Variants in ACTN4 observed in about 807,000 individuals in gnomAD.
ACTN4 encodes the protein actinin alpha 4, also known as alpha-actinin-4.
ACTN4 carries 18 observed loss-of-function variants against 114.2 expected under a neutral mutation model. The ratio of observed to expected loss-of-function variants is 0.16; its 90% CI spans 0.11 to 0.23. The LOEUF (loss-of-function observed/expected upper bound fraction) is 0.23, where lower values mean the gene tolerates loss of function less well. Ranked by LOEUF, ACTN4 falls within the 10% of genes least tolerant of loss-of-function variation. The probability of loss-of-function intolerance (pLI) is 1.00; values close to 1 mark genes in which losing one functional copy is unlikely to be tolerated. For missense variants in ACTN4, 722 were observed against 1,262.9 expected, an observed-to-expected ratio of 0.57 and a Z score of 6.49; for synonymous variants, 515 against 506.3, an observed-to-expected ratio of 1.02 and a Z score of -0.23.
Position 38,709,400 on chromosome 19 carries a change from C to T in ACTN4, c.657C>T (p.Asp219=). ...LIEYDKLRKD[D]PVTNLNNAFE... is the part of the protein sequence containing the mutation. ...CCCCACTTGCCTCCTTCTAGGACGA[C>T]CCTGTCACCAACCTGAACAATGCCT... Residue 219 remains aspartate (D), a synonymous_variant, in exon 7 of 21, where the codon GAC becomes GAT. Transcript: ENST00000252699. 6.2e-7 allele frequency: 1 copy of T among 1,614,070 alleles called. No individual in the cohort carries two copies. The highest frequency in any genetic ancestry group is 8.5e-7 in the Non-Finnish European group (1 of 1,179,886).
At chr19:38,675,485 T>C (rs1367814482) in intron 1 of ACTN4, among the ~76,000 whole-genome samples, 1 of 152,228 alleles carries the variant, frequency 6.6e-6, no homozygotes, top group East Asian at 1.9e-4. Flanking sequence ...TCCTCCACCT[T>C]GGTCTCCCAA....
rs369065816 is a variant in ACTN4, at chr19:38,729,109, G to A, written c.2532G>A (p.Thr844=). 21 of 1,613,242 alleles carry A rather than the reference G, an allele frequency of 1.3e-5. No homozygotes were observed. Among genetic ancestry groups the A allele is most frequent in the Admixed American group, 1.7e-5 (1 of 59,996 alleles). ...FMSRETTDTD[T]ADQVIASFKV... is the part of the protein sequence containing the mutation. ...CGCGGGAGACCACCGACACGGACACGGCTGACCAGGTCATCGCTTCCTTCA... is the reference window on the plus strand; with the variant it reads ...CGCGGGAGACCACCGACACGGACACAGCTGACCAGGTCATCGCTTCCTTCA... Residue 844 remains threonine, a synonymous_variant, in exon 20 of 21, where the codon ACG becomes ACA. Coordinates refer to ENST00000252699, the MANE Select transcript of ACTN4 (RefSeq NM_004924.6).
At chr19:38,649,339 A>G (rs1038527574) in intron 1 of ACTN4, among the ~76,000 whole-genome samples, 1 of 107,126 alleles carries the variant, frequency 9.3e-6, no homozygotes, top group Non-Finnish European at 1.8e-5. Context: ...AGCTAAAGAA[A>G]GGAGCGTGGT....
chr19:38,719,638 C>T (rs1238659528), intron 11 of ACTN4, among the ~76,000 whole-genome samples: 1 of 152,264 alleles, frequency 6.6e-6, no homozygotes, highest in Non-Finnish European at 1.5e-5. Context: ...GGTTGGTGGC[C>T]TCCATCCATT....
intron 1 of ACTN4, among the ~76,000 whole-genome samples, chr19:38,655,143 A>G (rs1161310997): frequency 6.6e-6 from 1 of 152,194 alleles, no homozygotes; most frequent in Non-Finnish European, 1.5e-5. Flanking sequence ...ATCAGTTTGC[A>G]TTTTAAATTA....
chr19:38,647,911 C>A lies in ACTN4; in HGVS notation c.162+4C>A. On this transcript the variant is annotated splice_donor_region_variant and intron_variant, in intron 1 of 20. Coordinates refer to ENST00000252699, the MANE Select transcript of ACTN4 (RefSeq NM_004924.6). ...CTGGGAGAAGCAGCAGCGCAAGGTG[C>A]GCGGCCCGCGGGCCGGACGGGCTGG... The A allele has an allele frequency of 7.0e-7, 1 of 1,428,632 alleles. No homozygotes were observed. The highest frequency in any genetic ancestry group is 9.2e-7 in the Non-Finnish European group (1 of 1,083,046). The allele number at this position is 1,428,632 out of a possible 1,614,324, so 88.5% of individuals were successfully genotyped here. A position where few individuals can be genotyped will look rare whatever the true frequency, so the allele number is the denominator to read the frequency against.
At chr19:38,654,430 T>G (rs183907236) in intron 1 of ACTN4, among the ~76,000 whole-genome samples, 9 of 151,996 alleles carry the variant, frequency 5.9e-5, no homozygotes, top group South Asian at 2.1e-4. Flanking sequence ...GGCACGGTGG[T>G]GCACCCCTGT....
chr19:38,665,133 C>G (rs145237646), intron 1 of ACTN4, among the ~76,000 whole-genome samples: 1 of 152,134 alleles, frequency 6.6e-6, no homozygotes, highest in East Asian at 1.9e-4. Flanking sequence ...CACTGAAGCT[C>G]CTGTGGGAGA....
At position 38,717,807 on chromosome 19, in the gene ACTN4, C is replaced by A. The variant is rs1968894451; in HGVS notation, c.1144-120C>A. 3 of 1,351,834 alleles carry A rather than the reference C, an allele frequency of 2.2e-6. No individual in the cohort carries two copies. The highest frequency in any genetic ancestry group is 1.4e-5 in the African/African-American group (1 of 69,166). 83.7% of individuals were successfully genotyped at this position (1,351,834 alleles called of 1,614,324 possible). A position where few individuals can be genotyped will look rare whatever the true frequency, so the allele number is the denominator to read the frequency against. On this transcript the variant is annotated intron_variant, in intron 10 of 20. Transcript: ENST00000252699. The surrounding 1 kb of genome is among the most constrained non-coding windows in gnomAD (Gnocchi z 4.0). ...TAGGCATCCAGGTATAATAGCAAAG[C>A]ATGACACAGACATGACCCCAGCCAA...
intron 12 of ACTN4, among the ~76,000 whole-genome samples, chr19:38,722,290 C>T (rs1220627482): frequency 6.6e-6 from 1 of 152,184 alleles, no homozygotes; most frequent in Non-Finnish European, 1.5e-5. Context: ...GCAGGAGGCC[C>T]AGGCCATTAC....
intron 8 of ACTN4, 102 bp from the exon 9 acceptor site, chr19:38,714,367 A>T: frequency 9.7e-7 from 1 of 1,031,400 alleles, no homozygotes; most frequent in Non-Finnish European, 1.5e-6. Flanking sequence ...CCCCTCTGTG[A>T]GGAGTTCCGT....
chr19:38,697,075 C>G (rs1477476462), intron 1 of ACTN4, among the ~76,000 whole-genome samples: 1 of 152,192 alleles, frequency 6.6e-6, no homozygotes, highest in Admixed American at 6.5e-5. Context: ...GTGGCAGAAG[C>G]AAGATGTGAA....
At chr19:38,704,324 C>T (rs781171464) in intron 3 of ACTN4, among the ~76,000 whole-genome samples, 4 of 152,172 alleles carry the variant, frequency 2.6e-5, no homozygotes, top group Non-Finnish European at 2.9e-5. Context: ...CAACCATGCT[C>T]GCTGCTGTGT....
In ACTN4 at chr19:38,724,875, G is replaced by A. The variant is rs959783973; in HGVS notation, c.2010+310G>A. Among the ~76,000 whole-genome samples the A allele has an allele frequency of 3.3e-5, 5 of 152,166 alleles. No homozygotes were observed. Among genetic ancestry groups the A allele is most frequent in the South Asian group, 4.1e-4 (2 of 4,834 alleles). On this transcript the variant is annotated intron_variant, in intron 16 of 20. Coordinates refer to ENST00000252699, the MANE Select transcript of ACTN4 (RefSeq NM_004924.6). The surrounding 1 kb of genome is among the most constrained non-coding windows in gnomAD (Gnocchi z 7.0). ...AAAAATTAGCTGGGCATGATGGTGC[G>A]CAGCCCAAGGAGGTCGAGGCTGCCG...
At chr19:38,684,900 C>A (rs1048319823) in intron 1 of ACTN4, among the ~76,000 whole-genome samples, 1 of 151,934 alleles carries the variant, frequency 6.6e-6, no homozygotes, top group African/African-American at 2.4e-5. Context: ...AAAAAAGAGA[C>A]CCCCAAATCC....
At chr19:38,663,219 T>C (rs548250473) in intron 1 of ACTN4, among the ~76,000 whole-genome samples, 111 of 152,334 alleles carry the variant, frequency 7.3e-4, no homozygotes, top group Non-Finnish European at 1.4e-3. Context: ...CCACATTTTA[T>C]AGCCAACCGG....
chr19:38,654,716 C>CT (rs922872462), intron 1 of ACTN4, among the ~76,000 whole-genome samples: 24 of 152,068 alleles, frequency 1.6e-4, no homozygotes, highest in African/African-American at 5.1e-4. Context: ...GGTGTTGTGC[C>CT]TTTTTTTGGT....
intron 1 of ACTN4, among the ~76,000 whole-genome samples, chr19:38,696,106 C>T (rs1368945462): frequency 6.6e-6 from 1 of 152,160 alleles, no homozygotes; most frequent in African/African-American, 2.4e-5. Flanking sequence ...AGTGCCCGCC[C>T]CTAGTAGACT....
intron 1 of ACTN4, among the ~76,000 whole-genome samples, chr19:38,673,548 T>TATATATATTC (rs1967228590): frequency 1.6e-5 from 1 of 61,886 alleles, no homozygotes; most frequent in African/African-American, 4.5e-5. Flanking sequence ...TATATATATT[T>TATATATATTC]ATATATACTT....
Sources: gnomAD v4.1 joint callset for allele counts (sites outside exome capture counted in the v4.1 genomes callset) on GRCh38, gnomAD v4.1.1 for gene constraint, Gnocchi (gnomAD v3.1) non-coding constraint, MANE v1.5 for transcripts, NCBI Gene and HGNC (gene_info 2026-07-23, HGNC 2026-07-21) for gene names.